Variants in UNC5C observed in about 807,000 individuals in gnomAD.
UNC5C encodes the protein netrin receptor UNC5C.
Under a neutral mutation model 99.8 loss-of-function variants are expected in UNC5C, and 47 were observed. That is an observed-to-expected ratio of 0.47 (90% confidence interval 0.37 to 0.60). The LOEUF is 0.60. Ranked by LOEUF, UNC5C falls within the 20% of genes least tolerant of loss-of-function variation. UNC5C has a pLI of 0.00. For synonymous variants in UNC5C, 487 were observed against 452.2 expected (o/e 1.08, Z -0.98); for missense variants, 1,062 against 1,165.9 (o/e 0.91, Z 1.30).
At chr4:95,283,406 G>A (rs1364335710) in intron 3 of UNC5C, among the ~76,000 whole-genome samples, 1 of 152,134 alleles carries the variant, frequency 6.6e-6, no homozygotes, top group African/African-American at 2.4e-5. Context: ...CCTGAAAAAC[G>A]CTTTTAATTC....
chr4:95,178,663 C>T (rs1286738042), intron 14 of UNC5C, among the ~76,000 whole-genome samples: 1 of 152,206 alleles, frequency 6.6e-6, no homozygotes, highest in African/African-American at 2.4e-5. Context: ...TGCCTTCCAA[C>T]TAAATGTGGA....
intron 1 of UNC5C, among the ~76,000 whole-genome samples, chr4:95,339,942 A>T (rs984772285): frequency 6.6e-6 from 1 of 152,026 alleles, no homozygotes; most frequent in Admixed American, 6.6e-5. Context: ...ATTTGACTTA[A>T]TTTTCCACTT....
intron 1 of UNC5C, among the ~76,000 whole-genome samples, chr4:95,465,219 A>T (rs760169270): frequency 6.6e-6 from 1 of 152,190 alleles, no homozygotes; most frequent in South Asian, 2.1e-4. Flanking sequence ...AGGGAAGCAG[A>T]TGAGTTATTT....
chr4:95,331,607 T>C (rs1043665909), intron 2 of UNC5C, among the ~76,000 whole-genome samples: 31 of 152,170 alleles, frequency 2.0e-4, no homozygotes, highest in African/African-American at 7.5e-4. Context: ...CTGAATTTCC[T>C]AAATCTTCTC....
chr4:95,200,404 T>G (rs1055202603), intron 12 of UNC5C, among the ~76,000 whole-genome samples: 2 of 152,178 alleles, frequency 1.3e-5, no homozygotes, highest in South Asian at 4.1e-4. Context: ...TCAAGCAACT[T>G]TGCTTAGGGG....
chr4:95,261,647 A>T (rs1267357015), intron 4 of UNC5C, among the ~76,000 whole-genome samples: 1 of 152,134 alleles, frequency 6.6e-6, no homozygotes, highest in East Asian at 1.9e-4. Flanking sequence ...TTTCTAAGAG[A>T]TATACAAACA....
At position 95,173,067 on chromosome 4, in the gene UNC5C, T is replaced by C. The variant is rs1438771377; in HGVS notation, c.2452-2735A>G. On this transcript the variant is annotated intron_variant, in intron 14 of 15. Transcript: ENST00000453304. ...GTCTGTTATTGGTGTATAAGAATGC[T>C]TGTGATTTTTGTACATTGATTTTGT... Among the ~76,000 whole-genome samples the C allele has an allele frequency of 2.0e-5, 3 of 152,036 alleles. No individual in the cohort carries two copies. In the East Asian group the frequency reaches 5.8e-4, roughly 29 times the overall value.
chr4:95,402,084 A>G (rs569839058), intron 1 of UNC5C, among the ~76,000 whole-genome samples: 74 of 152,336 alleles, frequency 4.9e-4, no homozygotes, highest in African/African-American at 1.8e-3. Flanking sequence ...CTAAAGATGT[A>G]TCATTTGTAG....
intron 2 of UNC5C, among the ~76,000 whole-genome samples, chr4:95,309,113 C>T (rs924988246): frequency 2.6e-5 from 4 of 151,934 alleles, no homozygotes; most frequent in Non-Finnish European, 5.9e-5. Flanking sequence ...AATAGCTCGC[C>T]CAGAAATAAA....
chr4:95,491,415 C>T (rs956840241), intron 1 of UNC5C, among the ~76,000 whole-genome samples: 1 of 151,510 alleles, frequency 6.6e-6, no homozygotes, highest in African/African-American at 2.4e-5. Context: ...TTTTAATGAA[C>T]ATTTTAAAGA....
At chr4:95,389,995 CTG>C (rs1033053571) in intron 1 of UNC5C, among the ~76,000 whole-genome samples, 8 of 152,100 alleles carry the variant, frequency 5.3e-5, no homozygotes, top group Admixed American at 5.2e-4. Flanking sequence ...GAAAGTATGA[CTG>C]TAAGTTCATT....
At chr4:95,328,930 C>T (rs1357020851) in intron 2 of UNC5C, among the ~76,000 whole-genome samples, 2 of 152,184 alleles carry the variant, frequency 1.3e-5, no homozygotes, top group African/African-American at 4.8e-5. Context: ...TGCACCCCCT[C>T]ACCTGCATGC....
At chr4:95,540,873 C>CA (rs1722900737) in intron 1 of UNC5C, among the ~76,000 whole-genome samples, 1 of 151,956 alleles carries the variant, frequency 6.6e-6, no homozygotes, top group Admixed American at 6.6e-5. Flanking sequence ...TACAGATCTC[C>CA]AAAAATCATG....
At chr4:95,521,124 G>T (rs1385885384) in intron 1 of UNC5C, among the ~76,000 whole-genome samples, 1 of 151,858 alleles carries the variant, frequency 6.6e-6, no homozygotes, top group Non-Finnish European at 1.5e-5. Flanking sequence ...CTTGGTGAGG[G>T]CTCTTTCTGG....
chr4:95,489,075 G>A (rs879918169), intron 1 of UNC5C, among the ~76,000 whole-genome samples: 2 of 147,570 alleles, frequency 1.4e-5, no homozygotes, highest in Non-Finnish European at 3.0e-5. Context: ...GGGAAGAGGG[G>A]AGGCAGGGAG....
intron 1 of UNC5C, among the ~76,000 whole-genome samples, chr4:95,479,430 C>A (rs1185393676): frequency 6.6e-6 from 1 of 151,922 alleles, no homozygotes; most frequent in Non-Finnish European, 1.5e-5. Flanking sequence ...TTAGATGATA[C>A]TGCTATGCAC....
chr4:95,230,711 T>C (rs1738881246), intron 7 of UNC5C, among the ~76,000 whole-genome samples: 1 of 151,688 alleles, frequency 6.6e-6, no homozygotes, highest in Admixed American at 6.6e-5. Flanking sequence ...TTGCCTATTT[T>C]AAAGCAATAA....
intron 7 of UNC5C, among the ~76,000 whole-genome samples, chr4:95,223,351 A>G (rs1035340621): frequency 2.0e-5 from 3 of 152,218 alleles, no homozygotes; most frequent in Non-Finnish European, 2.9e-5. Context: ...AGTAATACTC[A>G]AGGGCAAAAA....
At chr4:95,463,587 T>A (rs1012919357) in intron 1 of UNC5C, among the ~76,000 whole-genome samples, 1 of 152,128 alleles carries the variant, frequency 6.6e-6, no homozygotes, top group African/African-American at 2.4e-5. Flanking sequence ...CCTGCTTTAG[T>A]TAACATGACT....
Sources: gnomAD v4.1 joint callset for allele counts (sites outside exome capture counted in the v4.1 genomes callset) on GRCh38, gnomAD v4.1.1 for gene constraint, MANE v1.5 for transcripts, NCBI Gene and HGNC (gene_info 2026-07-23, HGNC 2026-07-21) for gene names.